The following LRRC4C variants were observed in gnomAD, a reference collection of about 807,000 sequenced individuals.
LRRC4C encodes leucine rich repeat containing 4C.
In LRRC4C, 5 loss-of-function variants were observed where a neutral mutation model predicts 33.6. That is an observed-to-expected ratio of 0.15 (90% CI 0.08 to 0.31). LRRC4C has a LOEUF of 0.31. Ranked by LOEUF, LRRC4C falls within the 10% of genes least tolerant of loss-of-function variation. The probability of loss-of-function intolerance (pLI) is 1.00; values close to 1 mark genes in which losing one functional copy is unlikely to be tolerated. For missense variants in LRRC4C, 560 were observed against 796.7 expected (o/e 0.70, Z 3.58); for synonymous variants, 329 against 302.0 (o/e 1.09, Z -0.93).
intron 2 of LRRC4C, among the ~76,000 whole-genome samples, chr11:40,740,537 A>G (rs1948104769): frequency 6.6e-6 from 1 of 151,730 alleles, no homozygotes; most frequent in Non-Finnish European, 1.5e-5. Context: ...TATATTTTAG[A>G]TATTATCACC....
chr11:41,232,747 GAC>G (rs34632647), intron 1 of LRRC4C, among the ~76,000 whole-genome samples: 5,585 of 143,356 alleles, frequency 0.039, 147 homozygotes, highest in South Asian at 0.14. Flanking sequence ...GTGTTATCAA[GAC>G]ACACACACAC....
intron 1 of LRRC4C, among the ~76,000 whole-genome samples, chr11:41,245,612 C>T (rs1014161950): frequency 3.3e-5 from 5 of 152,208 alleles, no homozygotes. Context: ...TCAGGGAGCT[C>T]CTAGGTCTGG....
At chr11:40,934,541 C>T (rs887188463) in intron 1 of LRRC4C, among the ~76,000 whole-genome samples, 12 of 152,240 alleles carry the variant, frequency 7.9e-5, no homozygotes, top group African/African-American at 1.9e-4. Context: ...CTATAGTTTA[C>T]GCTATAATAA....
At chr11:41,380,295 A>C (rs1191819886) in intron 1 of LRRC4C, among the ~76,000 whole-genome samples, 2 of 152,304 alleles carry the variant, frequency 1.3e-5, no homozygotes, top group East Asian at 3.9e-4. Flanking sequence ...AATTGTATCA[A>C]GAATCACTTT....
chr11:40,497,910 A>C (rs1048177073), intron 3 of LRRC4C, among the ~76,000 whole-genome samples: 1 of 152,230 alleles, frequency 6.6e-6, no homozygotes, highest in East Asian at 1.9e-4. Context: ...TCTCTAAAAA[A>C]TAAATTTTGC....
intron 5 of LRRC4C, among the ~76,000 whole-genome samples, chr11:40,151,810 G>A (rs1338428540): frequency 1.3e-5 from 2 of 152,126 alleles, no homozygotes. Context: ...ATTCCTCTGT[G>A]AGTTGTTCCC....
At chr11:40,779,237 G>T (rs1462270050) in intron 2 of LRRC4C, among the ~76,000 whole-genome samples, 1 of 152,074 alleles carries the variant, frequency 6.6e-6, no homozygotes, top group African/African-American at 2.4e-5. Flanking sequence ...CAAGTTTTTG[G>T]CTTCATCTAC....
intron 3 of LRRC4C, among the ~76,000 whole-genome samples, chr11:40,601,466 T>G (rs1391635435): frequency 6.6e-6 from 1 of 152,218 alleles, no homozygotes; most frequent in Non-Finnish European, 1.5e-5. Context: ...GTTCATATGT[T>G]TGCAACTTCA....
chr11:40,303,068 A>C (rs1944856555), intron 4 of LRRC4C, among the ~76,000 whole-genome samples: 1 of 152,096 alleles, frequency 6.6e-6, no homozygotes, highest in African/African-American at 2.4e-5. Context: ...AAGGAACATC[A>C]CTGAGGGCTA....
At chr11:40,747,388 T>C (rs1948480294) in intron 2 of LRRC4C, among the ~76,000 whole-genome samples, 2 of 152,048 alleles carry the variant, frequency 1.3e-5, no homozygotes, top group East Asian at 1.9e-4. Context: ...AAACCATAGA[T>C]TAATCTCTAG....
At chr11:40,787,370 T>C (rs1463320986) in intron 2 of LRRC4C, among the ~76,000 whole-genome samples, 2 of 152,160 alleles carry the variant, frequency 1.3e-5, no homozygotes, top group Admixed American at 6.5e-5. Flanking sequence ...ACTATTCCAG[T>C]TGCTTATTCC....
At chr11:41,453,269 T>G (rs1425064928) in intron 1 of LRRC4C, among the ~76,000 whole-genome samples, 1 of 152,128 alleles carries the variant, frequency 6.6e-6, no homozygotes, top group Non-Finnish European at 1.5e-5. Context: ...TAAGTAACTG[T>G]CAAAGTTAAA....
intron 1 of LRRC4C, among the ~76,000 whole-genome samples, chr11:41,089,116 G>A (rs1417671066): frequency 1.3e-5 from 2 of 151,810 alleles, no homozygotes; most frequent in Non-Finnish European, 2.9e-5. Context: ...AATAAATGTA[G>A]GGTCCCCATA....
intron 2 of LRRC4C, among the ~76,000 whole-genome samples, chr11:40,671,168 A>G (rs1944086364): frequency 1.3e-5 from 2 of 152,184 alleles, no homozygotes; most frequent in South Asian, 4.1e-4. Context: ...CTACATCGCT[A>G]TTTATATCTA....
chr11:41,080,828 GTTAT>G (rs1939521227), intron 1 of LRRC4C, among the ~76,000 whole-genome samples: 1 of 152,184 alleles, frequency 6.6e-6, no homozygotes, highest in Non-Finnish European at 1.5e-5. Context: ...ATTCTTGCCT[GTTAT>G]TTATTTATTT....
chr11:40,456,601 G>T (rs1952143110), intron 3 of LRRC4C, among the ~76,000 whole-genome samples: 1 of 151,804 alleles, frequency 6.6e-6, no homozygotes, highest in Non-Finnish European at 1.5e-5. Context: ...GAGAGGGAGA[G>T]AAATAATAAT....
intron 3 of LRRC4C, among the ~76,000 whole-genome samples, chr11:40,439,741 C>T (rs992318992): frequency 3.9e-5 from 6 of 152,146 alleles, no homozygotes; most frequent in Admixed American, 2.6e-4. Flanking sequence ...CATGAGCCAC[C>T]GGGCCCGGCC....
intron 3 of LRRC4C, among the ~76,000 whole-genome samples, chr11:40,381,274 G>A (rs1488614298): frequency 1.3e-5 from 2 of 151,336 alleles, no homozygotes; most frequent in African/African-American, 4.8e-5. Flanking sequence ...GAATGCAACG[G>A]TGGGGTCAAT....
intron 5 of LRRC4C, among the ~76,000 whole-genome samples, chr11:40,188,974 G>C (rs1861621168): frequency 6.6e-6 from 1 of 152,142 alleles, no homozygotes; most frequent in South Asian, 2.1e-4. Context: ...TCTCTTAAGT[G>C]TTCTAGCATT....
Sources: gnomAD v4.1 joint callset for allele counts (sites outside exome capture counted in the v4.1 genomes callset) on GRCh38, gnomAD v4.1.1 for gene constraint, MANE v1.5 for transcripts, NCBI Gene and HGNC (gene_info 2026-07-23, HGNC 2026-07-21) for gene names.